Variants in EPB41L1 observed in about 807,000 individuals in gnomAD.
EPB41L1 encodes band 4.1-like protein 1.
In EPB41L1, 29 loss-of-function variants were observed where a neutral mutation model predicts 97.8. That is an observed-to-expected ratio of 0.30 (90% CI 0.22 to 0.40). The LOEUF (loss-of-function observed/expected upper bound fraction) is 0.40. Among genes scored for constraint, EPB41L1 ranks in the 10% least tolerant of loss-of-function variants. EPB41L1 has a pLI of 1.00. For missense variants in EPB41L1, 812 were observed against 1,162.3 expected (o/e 0.70, Z 4.38); for synonymous variants, 383 against 459.2 (o/e 0.83, Z 2.12).
chr20:36,132,312 A>T (rs938209506), intron 2 of EPB41L1, among the ~76,000 whole-genome samples: 3 of 152,112 alleles, frequency 2.0e-5, no homozygotes, highest in Non-Finnish European at 4.4e-5. Flanking sequence ...GGCCACCCAC[A>T]TGCCTTGGTT....
In EPB41L1 at chr20:36,175,687, A is replaced by G; in HGVS notation, c.314A>G (p.Asp105Gly). 6.2e-7 allele frequency: 1 copy of G among 1,614,082 alleles called. No homozygotes were observed. Among genetic ancestry groups the G allele is most frequent in the Non-Finnish European group, 8.5e-7 (1 of 1,180,006 alleles). Residue 105 changes from aspartate (D) to glycine (G), a missense_variant, in exon 3 of 22, where the codon GAT becomes GGT. Physicochemically the swap from Asp to Gly is moderately conservative, Grantham distance 94 (BLOSUM62 -1). Transcript: ENST00000338074. ...KSAICRVTLLDASEYECEVEK... is the reference protein window; with the variant it reads ...KSAICRVTLLGASEYECEVEK... ...GCCATCTGCCGGGTCACTCTGCTTG[A>G]TGCCTCGGAGTATGAGTGTGAGGTG... is the stretch of plus-strand genomic sequence containing the variant.
At chr20:36,133,855 C>CAAAA (rs57803389) in intron 2 of EPB41L1, among the ~76,000 whole-genome samples, 1 of 75,888 alleles carries the variant, frequency 1.3e-5, no homozygotes, top group African/African-American at 4.5e-5. Context: ...GAGACCCTGT[C>CAAAA]AAAAAAAAAA....
At position 36,195,260 on chromosome 20, in the gene EPB41L1, C is replaced by G; in HGVS notation, c.1450-69C>G. 1.9e-6 allele frequency: 3 copies of G among 1,593,766 alleles called. No individual in the cohort carries two copies. The highest frequency in any genetic ancestry group is 2.6e-6 in the Non-Finnish European group (3 of 1,162,242). ...GGGCTCCTTGCTGGACCAAGCCCAT[C>G]GTGGTATCTCTAATCCATCTGCTCT... On this transcript the variant is annotated intron_variant, in intron 12 of 21. Transcript: ENST00000338074. This position sits in a 1 kb window ranked among gnomAD's most constrained non-coding sequence, Gnocchi z 4.6.
chr20:36,174,923 T>A (rs2061160809), intron 2 of EPB41L1, among the ~76,000 whole-genome samples: 1 of 152,164 alleles, frequency 6.6e-6, no homozygotes. Flanking sequence ...CCTGAACCTG[T>A]CTGTTCTAGC....
chr20:36,229,285 C>A (rs1767524541), intron 21 of EPB41L1, 47 bp from the exon 22 acceptor site: 9 of 751,744 alleles, frequency 1.2e-5, no homozygotes, highest in Non-Finnish European at 1.6e-5. Context: ...TCCTTCCTTT[C>A]CCCCCACTCC....
rs2147050131 is a variant in EPB41L1, at chr20:36,219,776, G to A, written c.2371G>A (p.Val791Ile). 1.2e-6 allele frequency: 2 copies of A among 1,614,032 alleles called. No individual in the cohort carries two copies. The highest frequency in any genetic ancestry group is 4.5e-5 in the East Asian group (2 of 44,870). Residue 791 changes from valine (V) to isoleucine (I), a missense_variant, in exon 19 of 22, where the codon GTC becomes ATC. Around this residue, in one of 3 missense-constraint regions of EPB41L1, gnomAD observed 498 missense variants for 622.7 expected, o/e 0.80. Coordinates refer to ENST00000338074, the MANE Select transcript of EPB41L1 (RefSeq NM_012156.2). The part of the protein sequence containing the change: ...RSLSPIIGKD[V>I]LTSTYGATAE... ...TATTCTGCAGATCATCGGGAAAGAT[G>A]TCCTCACCAGCACCTACGGCGCCAC... is the stretch of plus-strand genomic sequence containing the variant.
chr20:36,143,133 G>A (rs918276681), intron 2 of EPB41L1, among the ~76,000 whole-genome samples: 24 of 133,212 alleles, frequency 1.8e-4, no homozygotes, highest in African/African-American at 6.9e-4. Context: ...GAGGGAGGGT[G>A]TGTTTGTGTG....
chr20:36,109,072 T>C lies in EPB41L1; in HGVS notation c.-64-3354T>C, dbSNP rs374222220. ...CACTCTCTCACCTCAGCCTCCCGAA[T>C]AGCTGGGACTACAGGCGCCTGCCAC... is the stretch of plus-strand genomic sequence containing the variant. On this transcript the variant is annotated intron_variant, in intron 1 of 19. Coordinates refer to the EPB41L1 transcript ENST00000202028. Among the ~76,000 whole-genome samples the C allele has an allele frequency of 1.5e-4, 23 of 152,120 alleles. No homozygotes were observed. In the East Asian group the frequency reaches 2.3e-3, roughly 15 times the overall value.
chr20:36,142,285 T>C (rs1246617864), intron 2 of EPB41L1, among the ~76,000 whole-genome samples: 1 of 152,190 alleles, frequency 6.6e-6, no homozygotes, highest in East Asian at 1.9e-4. Flanking sequence ...TATTTCAGCA[T>C]ATGTATGTAT....
At chr20:36,186,255 T>C (rs923443792) in intron 7 of EPB41L1, among the ~76,000 whole-genome samples, 2 of 152,198 alleles carry the variant, frequency 1.3e-5, no homozygotes, top group African/African-American at 2.4e-5. Context: ...CTGGAAGTAT[T>C]TGGGGCTGTA....
chr20:36,215,987 G>C (rs1164970313), intron 17 of EPB41L1, among the ~76,000 whole-genome samples: 1 of 152,186 alleles, frequency 6.6e-6, no homozygotes. Flanking sequence ...AATGGGTGAG[G>C]GTAGAGGGCA....
rs1219720856 is a variant in EPB41L1, at chr20:36,178,732, C to A, written c.490+60C>A. The A allele has an allele frequency of 5.1e-6, 8 of 1,554,330 alleles. No individual in the cohort carries two copies. The Admixed American group carries it at 1.3e-4, about 26-fold the overall frequency. On this transcript the variant is annotated intron_variant, in intron 5 of 21. Coordinates refer to ENST00000338074, the MANE Select transcript of EPB41L1 (RefSeq NM_012156.2). ...GTGAGGGGATTCCAGGCCATGAGAGCCCCCCTTGTACTGCTCTCTCCTCCT... is the reference window on the plus strand; with the variant it reads ...GTGAGGGGATTCCAGGCCATGAGAGACCCCCTTGTACTGCTCTCTCCTCCT...
intron 2 of EPB41L1, chr20:36,121,930 G>T (rs1031936651): frequency 2.0e-5 from 3 of 152,238 alleles, no homozygotes; most frequent in African/African-American, 7.2e-5. Flanking sequence ...ACCTAGTTCT[G>T]CCTTGTGAAG....
rs1166629616 is a variant in EPB41L1, at chr20:36,232,455, T to A, written c.*3115T>A. The A allele has an allele frequency of 2.3e-5, 9 of 397,238 alleles. No homozygotes were observed. The highest frequency in any genetic ancestry group is 3.5e-5 in the Non-Finnish European group (8 of 225,546). 24.6% of individuals were successfully genotyped at this position (397,238 alleles called of 1,614,324 possible). A position where few individuals can be genotyped will look rare whatever the true frequency, so the allele number is the denominator to read the frequency against. On this transcript the variant is annotated 3_prime_UTR_variant, in exon 22 of 22. Transcript: ENST00000338074. ...CCAGATGCTCTCCAGGGTCTTTTTC[T>A]ACTTTGCTATCTCATGGGTCTTCAT... is the stretch of plus-strand genomic sequence containing the variant.
chr20:36,206,493 A>G lies in EPB41L1; in HGVS notation c.1669-2995A>G, dbSNP rs1047827520. On this transcript the variant is annotated intron_variant, in intron 14 of 21. Transcript: ENST00000338074. This position sits in a 1 kb window ranked among gnomAD's most constrained non-coding sequence, Gnocchi z 5.5. Reference sequence around the variant, plus strand: ...GCTTCTATTTAAATTATGAAGAAAAAGACTCAGAAGACCAAGTCCTCCCTC... The same window carrying G: ...GCTTCTATTTAAATTATGAAGAAAAGGACTCAGAAGACCAAGTCCTCCCTC... The G allele has an allele frequency of 1.8e-5, 23 of 1,289,772 alleles. No homozygotes were observed. The Admixed American group carries it at 5.3e-4, about 30-fold the overall frequency. 79.9% of individuals were successfully genotyped at this position (1,289,772 alleles called of 1,614,324 possible).
chr20:36,171,098 C>T (rs1468659817), intron 1 of EPB41L1, among the ~76,000 whole-genome samples: 1 of 151,190 alleles, frequency 6.6e-6, no homozygotes, highest in East Asian at 1.9e-4. Context: ...GATTCTGCAT[C>T]TCACAGCAGA....
At chr20:36,201,804 G>A (rs1347670080) in intron 14 of EPB41L1, among the ~76,000 whole-genome samples, 2 of 152,112 alleles carry the variant, frequency 1.3e-5, no homozygotes, top group Non-Finnish European at 2.9e-5. Flanking sequence ...GGATTTTATG[G>A]ACTATCAGGG....
At chr20:36,181,872 C>A (rs1184608147) in intron 5 of EPB41L1, among the ~76,000 whole-genome samples, 2 of 152,174 alleles carry the variant, frequency 1.3e-5, no homozygotes, top group Non-Finnish European at 2.9e-5. Context: ...TGAACCCCAG[C>A]ATTGCCACTT....
At position 36,214,452 on chromosome 20, in the gene EPB41L1, C is replaced by G. The variant is rs747474739; in HGVS notation, c.2268+12C>G. 3.7e-6 allele frequency: 6 copies of G among 1,609,194 alleles called. No individual in the cohort carries two copies. Among genetic ancestry groups the G allele is most frequent in the Non-Finnish European group, 5.1e-6 (6 of 1,177,708 alleles). ...TATCGACCACCATGGTAAGTTGAAC[C>G]CAGGAGGCTTCCCTCTCTGACCAGC... On this transcript the variant is annotated intron_variant, in intron 17 of 21. Coordinates refer to ENST00000338074, the MANE Select transcript of EPB41L1 (RefSeq NM_012156.2).
Sources: gnomAD v4.1 joint callset for allele counts (sites outside exome capture counted in the v4.1 genomes callset) on GRCh38, gnomAD v4.1.1 for gene constraint, gnomAD v4.1.1 regional missense constraint, Gnocchi (gnomAD v3.1) non-coding constraint, MANE v1.5 for transcripts, NCBI Gene and HGNC (gene_info 2026-07-23, HGNC 2026-07-21) for gene names.